The following MAP7 variants were observed in gnomAD, a reference collection of about 807,000 sequenced individuals.
The protein encoded by MAP7 is ensconsin.
Under a neutral mutation model 94.8 loss-of-function variants are expected in MAP7, and 52 were observed. That is an observed-to-expected ratio of 0.55 (90% CI 0.44 to 0.69). MAP7 has a LOEUF of 0.69. MAP7 is among the 30% of genes least tolerant of loss of function. The pLI, the probability that MAP7 is intolerant of heterozygous loss-of-function variation, is 0.00. For missense variants in MAP7, 940 were observed against 964.6 expected (o/e 0.97, Z 0.34); for synonymous variants, 350 against 357.0 (o/e 0.98, Z 0.22).
chr6:136,347,640 G>A (rs112426389), intron 16 of MAP7, among the ~76,000 whole-genome samples: 2,440 of 152,116 alleles, frequency 0.016, 42 homozygotes, highest in East Asian at 0.039. Flanking sequence ...TCCTGGCCTC[G>A]AGTGATCTGC....
At chr6:136,457,075 A>AG (rs139215639) in intron 1 of MAP7, among the ~76,000 whole-genome samples, 3 of 151,304 alleles carry the variant, frequency 2.0e-5, no homozygotes, top group African/African-American at 4.8e-5. Flanking sequence ...CTAAAAAAAA[A>AG]CTCAAACAAA....
At chr6:136,395,001 T>C (rs1324856899) in intron 3 of MAP7, among the ~76,000 whole-genome samples, 1 of 134,934 alleles carries the variant, frequency 7.4e-6, no homozygotes, top group Non-Finnish European at 1.6e-5. Flanking sequence ...CATCCACTGA[T>C]GGACACTTAG....
intron 1 of MAP7, among the ~76,000 whole-genome samples, chr6:136,532,393 A>G (rs1828544527): frequency 3.9e-5 from 6 of 152,350 alleles, no homozygotes; most frequent in South Asian, 2.1e-4. Flanking sequence ...AACATAGAAG[A>G]AAATAAGACA....
intron 1 of MAP7, among the ~76,000 whole-genome samples, chr6:136,473,278 T>A (rs371741374): frequency 1.3e-5 from 2 of 152,306 alleles, no homozygotes; most frequent in East Asian, 3.9e-4. Context: ...GTTATCAGAC[T>A]CATCTGTTTA....
chr6:136,502,080 A>AT (rs1020240798), intron 1 of MAP7, among the ~76,000 whole-genome samples: 2 of 152,150 alleles, frequency 1.3e-5, no homozygotes, highest in African/African-American at 2.4e-5. Context: ...AGATTTATAG[A>AT]TTTTTTATGT....
chr6:136,414,286 T>TAAAAAAAAAAAAAAA (rs1788620507), intron 2 of MAP7, among the ~76,000 whole-genome samples: 1 of 46,748 alleles, frequency 2.1e-5, no homozygotes, highest in Non-Finnish European at 5.1e-5. Context: ...AAAAAAAAAT[T>TAAAAAAAAAAAAAAA]GGTTAAATGG....
intron 1 of MAP7, chr6:136,526,277 GCACACA>G (rs61514681): frequency 2.5e-4 from 232 of 934,700 alleles, no homozygotes; most frequent in Middle Eastern, 5.0e-4. Context: ...ACACGCGCGC[GCACACA>G]CACACACACA....
intron 1 of MAP7, among the ~76,000 whole-genome samples, chr6:136,532,576 C>A (rs1339038081): frequency 6.6e-6 from 1 of 151,432 alleles, no homozygotes; most frequent in East Asian, 1.9e-4. Flanking sequence ...TGCACAAACA[C>A]TGATTTGGAA....
At chr6:136,511,349 T>C (rs1823225303) in intron 1 of MAP7, among the ~76,000 whole-genome samples, 1 of 152,134 alleles carries the variant, frequency 6.6e-6, no homozygotes, top group Non-Finnish European at 1.5e-5. Context: ...GAAAATTTGA[T>C]TCCCCAAGCC....
chr6:136,349,469 G>T (rs1232763748), intron 16 of MAP7, among the ~76,000 whole-genome samples: 1 of 152,114 alleles, frequency 6.6e-6, no homozygotes, highest in Non-Finnish European at 1.5e-5. Context: ...AATTCCCTGG[G>T]CTCAGGCGAT....
chr6:136,368,198 T>A (rs1467557672), intron 8 of MAP7, among the ~76,000 whole-genome samples: 2 of 143,228 alleles, frequency 1.4e-5, no homozygotes, highest in African/African-American at 5.1e-5. Flanking sequence ...AACCAGGGAG[T>A]TTTTTTTTTT....
chr6:136,545,228 T>A (rs879728127), intron 1 of MAP7: 4 of 152,128 alleles, frequency 2.6e-5, no homozygotes, highest in African/African-American at 9.7e-5. Context: ...TAGCCCTTCA[T>A]TGATCTCCAG....
intron 3 of MAP7, among the ~76,000 whole-genome samples, chr6:136,407,803 T>C (rs147430496): frequency 6.6e-6 from 1 of 152,112 alleles, no homozygotes; most frequent in Non-Finnish European, 1.5e-5. Context: ...AAAGATCTAA[T>C]AGCTAAGCTA....
intron 1 of MAP7, among the ~76,000 whole-genome samples, chr6:136,460,702 C>T (rs1327014861): frequency 3.3e-5 from 5 of 152,104 alleles, no homozygotes; most frequent in Non-Finnish European, 5.9e-5. Context: ...GCCTCACTTG[C>T]CATCCTGGGA....
intron 1 of MAP7, among the ~76,000 whole-genome samples, chr6:136,495,490 A>T (rs1480696104): frequency 6.6e-6 from 1 of 152,118 alleles, no homozygotes; most frequent in African/African-American, 2.4e-5. Context: ...ACACATAAAC[A>T]CACACACACG....
intron 1 of MAP7, among the ~76,000 whole-genome samples, chr6:136,533,826 G>T (rs926808925): frequency 1.3e-5 from 2 of 152,180 alleles, no homozygotes; most frequent in East Asian, 3.9e-4. Flanking sequence ...TCATAAGATC[G>T]GCTCCCATGG....
intron 1 of MAP7, 128 bp from the exon 2 acceptor site, chr6:136,421,927 A>T: frequency 3.0e-6 from 2 of 676,918 alleles, no homozygotes; most frequent in Non-Finnish European, 4.9e-6. Flanking sequence ...GGAAATGAAA[A>T]GATGAAGTAG....
At chr6:136,499,553 A>G (rs1226781442) in intron 1 of MAP7, among the ~76,000 whole-genome samples, 1 of 152,018 alleles carries the variant, frequency 6.6e-6, no homozygotes, top group Non-Finnish European at 1.5e-5. Context: ...TCACTCCACT[A>G]CTTATCTCTC....
chr6:136,542,150 T>C (rs1829376240), intron 1 of MAP7, among the ~76,000 whole-genome samples: 1 of 152,178 alleles, frequency 6.6e-6, no homozygotes, highest in Non-Finnish European at 1.5e-5. Flanking sequence ...ATTAAAAAGA[T>C]ACTAAAGAGA....
Sources: gnomAD v4.1 joint callset for allele counts (sites outside exome capture counted in the v4.1 genomes callset) on GRCh38, gnomAD v4.1.1 for gene constraint, MANE v1.5 for transcripts, NCBI Gene and HGNC (gene_info 2026-07-23, HGNC 2026-07-21) for gene names.